Variants in DOCK2 observed in about 807,000 individuals in gnomAD.
DOCK2 encodes dedicator of cytokinesis 2.
A neutral mutation model predicts 248.9 loss-of-function variants in DOCK2; 87 were observed. The observed-to-expected ratio is 0.35, with a 90% CI of 0.29 to 0.42. The LOEUF is 0.42. DOCK2 is among the 10% of genes least tolerant of loss of function. The pLI, the probability that DOCK2 is intolerant of heterozygous loss-of-function variation, is 1.00. For missense variants in DOCK2, 1,747 were observed against 2,300.2 expected (o/e 0.76, Z 4.92); for synonymous variants, 805 against 821.6 (o/e 0.98, Z 0.35).
intron 27 of DOCK2, among the ~76,000 whole-genome samples, chr5:169,961,978 C>CAAAAAATAAAAAAAAA (rs1777105088): frequency 1.3e-5 from 1 of 74,654 alleles, no homozygotes; most frequent in Non-Finnish European, 2.4e-5. Flanking sequence ...GACTCTGTCC[C>CAAAAAATAAAAAAAAA]AAAAAAAAAA....
At chr5:169,841,737 T>A (rs1302550886) in intron 27 of DOCK2, among the ~76,000 whole-genome samples, 1 of 152,216 alleles carries the variant, frequency 6.6e-6, no homozygotes, top group African/African-American at 2.4e-5. Flanking sequence ...TACCTCTCCA[T>A]CCACTAAAAG....
At chr5:169,694,491 C>T (rs1446730121) in intron 9 of DOCK2, among the ~76,000 whole-genome samples, 2 of 152,172 alleles carry the variant, frequency 1.3e-5, no homozygotes, top group African/African-American at 4.8e-5. Context: ...GGACTGGGCT[C>T]AAAGCCCAGA....
chr5:169,883,462 G>A, intron 27 of DOCK2: 1 of 1,551,686 alleles, frequency 6.4e-7, no homozygotes, highest in African/African-American at 1.4e-5. Context: ...GGCAAGGTCA[G>A]AAGACACAAT....
intron 27 of DOCK2, among the ~76,000 whole-genome samples, chr5:169,938,455 AT>A (rs1162349387): frequency 6.6e-6 from 1 of 152,228 alleles, no homozygotes; most frequent in Non-Finnish European, 1.5e-5. Flanking sequence ...CCTGTATAGC[AT>A]GTTACTCTCC....
intron 27 of DOCK2, chr5:169,883,029 A>C (rs1444349874): frequency 6.4e-7 from 1 of 1,551,676 alleles, no homozygotes. Context: ...ACAGTGAGCC[A>C]AGGTCTTTGT....
rs773754768 is a variant in DOCK2 at position 170,062,124 on chromosome 5, TGTGTGA to T, written c.4467+4460_4467+4465del. Among the ~76,000 whole-genome samples, 240 of 134,318 alleles carry T rather than the reference TGTGTGA, an allele frequency of 1.8e-3. 1 individual carries two copies. The highest frequency in any genetic ancestry group is 0.015 in the South Asian group (66 of 4,326). The allele number at this position is 134,318 out of a possible 152,430, so 88.1% of individuals were successfully genotyped here. A position where few individuals can be genotyped will look rare whatever the true frequency, so the allele number is the denominator to read the frequency against. On this transcript the variant is annotated intron_variant, in intron 44 of 51. Coordinates refer to ENST00000520908, the MANE Select transcript of DOCK2 (RefSeq NM_004946.3). ...GAGTGTGTGTGTGTGTGTGTGTGTG[TGTGTGA>T]GAGAGAGAGAGAGAGAGACAGAGAG...
Position 169,840,754 on chromosome 5 carries a change from C to T in DOCK2, c.2704-3C>T, listed in dbSNP as rs144101028. 3.6e-5 allele frequency: 58 copies of T among 1,613,702 alleles called. No homozygotes were observed. Among genetic ancestry groups the T allele is most frequent in the African/African-American group, 3.3e-4 (25 of 75,012 alleles). On this transcript the variant is annotated splice_polypyrimidine_tract_variant and splice_region_variant and intron_variant, in intron 26 of 51. Transcript: ENST00000520908. ...CACATAGATGTCTCTGACTGTTTTACAGGCCTTCACCTACCACCATATCCA... is the reference window on the plus strand; with the variant it reads ...CACATAGATGTCTCTGACTGTTTTATAGGCCTTCACCTACCACCATATCCA...
chr5:169,769,623 C>G (rs988358657), intron 25 of DOCK2, among the ~76,000 whole-genome samples: 1 of 152,206 alleles, frequency 6.6e-6, no homozygotes, highest in East Asian at 1.9e-4. Context: ...GAATCCTGGA[C>G]CCTACTCCAA....
At chr5:169,715,727 A>G (rs1761870945) in intron 19 of DOCK2, among the ~76,000 whole-genome samples, 2 of 152,098 alleles carry the variant, frequency 1.3e-5, no homozygotes, top group South Asian at 4.1e-4. Flanking sequence ...CTCACCACCC[A>G]GAAGAGGATA....
chr5:169,803,496 C>A (rs1767126116), intron 26 of DOCK2, among the ~76,000 whole-genome samples: 1 of 152,186 alleles, frequency 6.6e-6, no homozygotes, highest in Admixed American at 6.5e-5. Flanking sequence ...TCCACGTACT[C>A]ACGCCCTAGT....
At chr5:170,047,786 C>G (rs1408644051) in intron 40 of DOCK2, among the ~76,000 whole-genome samples, 172 bp downstream of exon 40, 1 of 152,164 alleles carries the variant, frequency 6.6e-6, no homozygotes. Context: ...TCATAATCAC[C>G]AGCATTTCTC....
chr5:169,990,396 G>A (rs1778174419), intron 29 of DOCK2, among the ~76,000 whole-genome samples: 1 of 152,154 alleles, frequency 6.6e-6, no homozygotes, highest in Non-Finnish European at 1.5e-5. Flanking sequence ...ACCATGCCCA[G>A]CTTACCTCTT....
chr5:169,770,281 T>C (rs1168990825), intron 25 of DOCK2, among the ~76,000 whole-genome samples: 30 of 150,806 alleles, frequency 2.0e-4, no homozygotes. Context: ...GGTAACCACA[T>C]TCTTGAGTCT....
intron 25 of DOCK2, among the ~76,000 whole-genome samples, chr5:169,762,119 A>T (rs759273518): frequency 6.6e-6 from 1 of 152,230 alleles, no homozygotes; most frequent in African/African-American, 2.4e-5. Flanking sequence ...ACGCATTTAC[A>T]TGGATGAAAA....
chr5:169,853,253 T>C (rs188896181), intron 27 of DOCK2, among the ~76,000 whole-genome samples: 1 of 152,310 alleles, frequency 6.6e-6, no homozygotes, highest in African/African-American at 2.4e-5. Context: ...CATTGTCCAG[T>C]CTCAGGTATG....
intron 32 of DOCK2, among the ~76,000 whole-genome samples, chr5:170,010,226 G>C (rs1755233096): frequency 6.6e-6 from 1 of 152,068 alleles, no homozygotes; most frequent in African/African-American, 2.4e-5. Context: ...CAACCAAAAA[G>C]GTCTCCAGAC....
chr5:169,801,419 GA>G (rs2113123601), intron 25 of DOCK2, among the ~76,000 whole-genome samples: 1 of 152,198 alleles, frequency 6.6e-6, no homozygotes, highest in East Asian at 1.9e-4. Flanking sequence ...GCAAAACGGG[GA>G]AATAATAGTG....
intron 27 of DOCK2, among the ~76,000 whole-genome samples, chr5:169,965,491 A>C (rs1043641362): frequency 6.6e-6 from 1 of 152,228 alleles, no homozygotes; most frequent in Non-Finnish European, 1.5e-5. Context: ...TGTTGGAGTC[A>C]GGTCAGCATG....
At chr5:169,968,092 C>T (rs538561375) in intron 27 of DOCK2, among the ~76,000 whole-genome samples, 1 of 152,308 alleles carries the variant, frequency 6.6e-6, no homozygotes, top group East Asian at 1.9e-4. Context: ...GGAGAGAAAA[C>T]CTTCCTGGAA....
Sources: allele counts gnomAD v4.1 joint callset (sites outside exome capture counted in the v4.1 genomes callset), GRCh38; gene constraint gnomAD v4.1.1; transcripts MANE v1.5; gene names NCBI Gene and HGNC (gene_info 2026-07-23, HGNC 2026-07-21).